The following MRPL30 variants were observed in gnomAD, a reference collection of about 807,000 sequenced individuals.
MRPL30 encodes the protein mitochondrial ribosomal protein L30, also known as large ribosomal subunit protein uL30m.
MRPL30 carries 10 observed loss-of-function variants against 17.2 expected under a neutral mutation model. That is an observed-to-expected ratio of 0.58 (90% confidence interval 0.36 to 0.99). The LOEUF (loss-of-function observed/expected upper bound fraction) is 0.99. Among genes scored for constraint, MRPL30 ranks in the 50% least tolerant of loss-of-function variants. The probability of loss-of-function intolerance (pLI) is 0.01; values close to 1 mark genes in which losing one functional copy is unlikely to be tolerated. For missense variants in MRPL30, 170 were observed against 189.8 expected (o/e 0.90, Z 0.61); for synonymous variants, 61 against 62.1 (o/e 0.98, Z 0.08).
chr2:99,187,650 C>T (rs1045926233), intron 2 of MRPL30, among the ~76,000 whole-genome samples: 1 of 151,994 alleles, frequency 6.6e-6, no homozygotes, highest in Non-Finnish European at 1.5e-5. Context: ...ACGGTGAAAC[C>T]CTATCTCTAC....
intron 3 of MRPL30, among the ~76,000 whole-genome samples, chr2:99,192,758 G>A (rs1276745514): frequency 6.6e-6 from 1 of 152,128 alleles, no homozygotes; most frequent in African/African-American, 2.4e-5. Context: ...CCCAGTAATG[G>A]GATTGCTGAG....
intron 1 of MRPL30, among the ~76,000 whole-genome samples, chr2:99,182,021 G>A (rs963639044): frequency 2.6e-5 from 4 of 152,030 alleles, no homozygotes; most frequent in Admixed American, 2.6e-4. Context: ...CGGTCGCTGG[G>A]GGGGAGAAGG....
At chr2:99,192,418 C>G (rs1282886759) in intron 3 of MRPL30, among the ~76,000 whole-genome samples, 1 of 152,148 alleles carries the variant, frequency 6.6e-6, no homozygotes, top group Non-Finnish European at 1.5e-5. Flanking sequence ...CTAATGGTCT[C>G]CCTTTGCCCC....
intron 1 of MRPL30, among the ~76,000 whole-genome samples, chr2:99,183,174 G>A (rs868225609): frequency 6.6e-6 from 1 of 151,970 alleles, no homozygotes; most frequent in African/African-American, 2.4e-5. Context: ...CAAACAAGGG[G>A]GGCAGCATGT....
chr2:99,194,716 T>G (rs779971970), intron 3 of MRPL30, 35 bp from the exon 4 acceptor site: 1 of 1,555,228 alleles, frequency 6.4e-7, no homozygotes, highest in Non-Finnish European at 8.6e-7. Context: ...CTGTGTAAGT[T>G]GGAAATTTAC....
At chr2:99,194,563 G>A (rs1259021483) in intron 3 of MRPL30, among the ~76,000 whole-genome samples, 188 bp from the exon 4 acceptor site, 2 of 152,088 alleles carry the variant, frequency 1.3e-5, no homozygotes, top group African/African-American at 4.8e-5. Flanking sequence ...TGTTCTACAG[G>A]TTAAACTCCA....
rs564440782 is a variant in MRPL30, at chr2:99,190,873, C to T, written c.132+2616C>T. Among the ~76,000 whole-genome samples, 23 of 152,256 alleles carry T rather than the reference C, an allele frequency of 1.5e-4. No homozygotes were observed. In the East Asian group the frequency reaches 4.4e-3, roughly 29 times the overall value. On this transcript the variant is annotated intron_variant, in intron 3 of 5. Transcript: ENST00000338148. ...GCAGATTGCCATGGCACATGTTTACCTATGTAACAAACCTGCACATCCTAT... is the reference window on the plus strand; with the variant it reads ...GCAGATTGCCATGGCACATGTTTACTTATGTAACAAACCTGCACATCCTAT...
rs1417283095 is a variant in MRPL30 at position 99,196,605 on chromosome 2, A to C, written c.*900A>C. 1 of 152,264 alleles carries C rather than the reference A, an allele frequency of 6.6e-6. No homozygotes were observed. Among genetic ancestry groups the C allele is most frequent in the Non-Finnish European group, 1.5e-5 (1 of 68,058 alleles). The allele number at this position is 152,264 out of a possible 1,614,324, so 9.4% of individuals were successfully genotyped here. A position where few individuals can be genotyped will look rare whatever the true frequency, so the allele number is the denominator to read the frequency against. On this transcript the variant is annotated 3_prime_UTR_variant, in exon 6 of 6. Coordinates refer to ENST00000338148, the MANE Select transcript of MRPL30 (RefSeq NM_145212.4). ...CAGGCATGAGCCACTGTACCCAGCC[A>C]AAATTGTTTTCTTTTTTAAGTGAAT...
chr2:99,193,894 T>A (rs1267928804), intron 3 of MRPL30, among the ~76,000 whole-genome samples: 1 of 151,972 alleles, frequency 6.6e-6, no homozygotes, highest in African/African-American at 2.4e-5. Flanking sequence ...AAAAATTAGC[T>A]GGGCACGGTG....
chr2:99,186,194 C>T lies in MRPL30; in HGVS notation c.-10C>T, dbSNP rs531408917. The T allele has an allele frequency of 1.7e-4, 267 of 1,613,722 alleles. 3 individuals carry two copies. The East Asian group carries it at 4.5e-3, about 27-fold the overall frequency. ...TCCCACAGCCTCTAAAGAGAGCAAT[C>T]ACTACACTTATGGCTGGGATTTTGC... is the stretch of plus-strand genomic sequence containing the variant. On this transcript the variant is annotated 5_prime_UTR_variant, in exon 2 of 6. Coordinates refer to ENST00000338148, the MANE Select transcript of MRPL30 (RefSeq NM_145212.4).
chr2:99,182,266 G>A, intron 1 of MRPL30, among the ~76,000 whole-genome samples: 1 of 152,146 alleles, frequency 6.6e-6, no homozygotes, highest in East Asian at 1.9e-4. Flanking sequence ...TTATTAAAAC[G>A]TATTCCTTGC....
chr2:99,195,868 G>A lies in MRPL30; in HGVS notation c.*163G>A. 1.1e-6 allele frequency: 1 copy of A among 923,678 alleles called. No individual in the cohort carries two copies. The highest frequency in any genetic ancestry group is 1.6e-6 in the Non-Finnish European group (1 of 644,980). The allele number at this position is 923,678 out of a possible 1,614,324, so 57.2% of individuals were successfully genotyped here. On this transcript the variant is annotated 3_prime_UTR_variant, in exon 6 of 6. Coordinates refer to ENST00000338148, the MANE Select transcript of MRPL30 (RefSeq NM_145212.4). ...AGGCCAAGGCGGGCAGATCACCTGA[G>A]GTCAAGAGTTCGAGACCAGCCTGAC...
At chr2:99,191,028 G>A (rs1224560172) in intron 3 of MRPL30, among the ~76,000 whole-genome samples, 5 of 147,472 alleles carry the variant, frequency 3.4e-5, no homozygotes. Flanking sequence ...TTTTTTTGGA[G>A]ACGGAGTCTC....
chr2:99,198,226 ATGTT>A lies in MRPL30; in HGVS notation c.*2525_*2528del, dbSNP rs2093958177. On this transcript the variant is annotated 3_prime_UTR_variant, in exon 6 of 6. Transcript: ENST00000338148. ...AACAACACACACTTATTGTCTCACA[ATGTT>A]TGTGGGTCGGAAGTCTAGGCGTGGC... Among the ~76,000 whole-genome samples, 1 of 152,202 alleles carries A rather than the reference ATGTT, an allele frequency of 6.6e-6. No homozygotes were observed. Among genetic ancestry groups the A allele is most frequent in the Non-Finnish European group, 1.5e-5 (1 of 68,036 alleles).
chr2:99,193,432 T>C (rs943109485), intron 3 of MRPL30, among the ~76,000 whole-genome samples: 17 of 152,202 alleles, frequency 1.1e-4, no homozygotes, highest in African/African-American at 2.4e-4. Context: ...AAATACCATC[T>C]TTTTGGGGGT....
intron 2 of MRPL30, 116 bp from the exon 3 acceptor site, chr2:99,188,061 T>A: frequency 2.9e-6 from 2 of 684,902 alleles, no homozygotes; most frequent in Middle Eastern, 3.3e-4. Context: ...AGCTAAGATA[T>A]ACCTTTAATA....
At chr2:99,182,047 T>G (rs1243351036) in intron 1 of MRPL30, among the ~76,000 whole-genome samples, 1 of 152,066 alleles carries the variant, frequency 6.6e-6, no homozygotes, top group Non-Finnish European at 1.5e-5. Context: ...GAAAAACGCC[T>G]TTTTTCATAC....
chr2:99,183,339 C>T (rs746384966), intron 1 of MRPL30, among the ~76,000 whole-genome samples: 6 of 152,012 alleles, frequency 3.9e-5, no homozygotes, highest in Admixed American at 1.3e-4. Context: ...GGAGCCCAGG[C>T]GGGCGGATCA....
In MRPL30 at chr2:99,197,021, T is replaced by G. The variant is rs1451410421; in HGVS notation, c.*1316T>G. 3 of 152,242 alleles carry G rather than the reference T, an allele frequency of 2.0e-5. No homozygotes were observed. The highest frequency in any genetic ancestry group is 7.2e-5 in the African/African-American group (3 of 41,464). The allele number at this position is 152,242 out of a possible 1,614,324, so 9.4% of individuals were successfully genotyped here. A position where few individuals can be genotyped will look rare whatever the true frequency, so the allele number is the denominator to read the frequency against. On this transcript the variant is annotated 3_prime_UTR_variant, in exon 6 of 6. Coordinates refer to ENST00000338148, the MANE Select transcript of MRPL30 (RefSeq NM_145212.4). ...TAGGATTTATTCAAAAACAGACTAT[T>G]CTGTTTTCAGCTTCAGAATTGTTCT...
Sources: gnomAD v4.1 joint callset for allele counts (sites outside exome capture counted in the v4.1 genomes callset) on GRCh38, gnomAD v4.1.1 for gene constraint, MANE v1.5 for transcripts, NCBI Gene and HGNC (gene_info 2026-07-23, HGNC 2026-07-21) for gene names.